PCDHGB5: variants seen among roughly 807,000 people sequenced by gnomAD.
The protein encoded by PCDHGB5 is protocadherin gamma-B5.
Under a neutral mutation model 62.9 loss-of-function variants are expected in PCDHGB5, and 48 were observed. The ratio of observed to expected loss-of-function variants is 0.76; its 90% confidence interval spans 0.61 to 0.97. PCDHGB5 has a LOEUF of 0.97. Ranked by LOEUF, PCDHGB5 falls within the 50% of genes least tolerant of loss-of-function variation. The pLI, the probability that PCDHGB5 is intolerant of heterozygous loss-of-function variation, is 0.00. For missense variants in PCDHGB5, 1,118 were observed against 1,198.6 expected, an observed-to-expected ratio of 0.93 and a Z score of 0.99; for synonymous variants, 474 against 511.2, an observed-to-expected ratio of 0.93 and a Z score of 0.98.
chr5:141,449,588 CAAA>C (rs768743917), intron 1 of PCDHGB5, among the ~76,000 whole-genome samples: 1 of 57,486 alleles, frequency 1.7e-5, no homozygotes, highest in Non-Finnish European at 3.7e-5. Context: ...GACTCTGTCT[CAAA>C]AAAAAAAAAA....
At chr5:141,453,964 C>T (rs2098778500) in intron 1 of PCDHGB5, among the ~76,000 whole-genome samples, 1 of 152,296 alleles carries the variant, frequency 6.6e-6, no homozygotes, top group Non-Finnish European at 1.5e-5. Context: ...GACAGCAAAG[C>T]ATGTAGTTGT....
At chr5:141,484,912 T>G (rs1594427765) in intron 1 of PCDHGB5, 1 of 437,066 alleles carries the variant, frequency 2.3e-6, no homozygotes, top group East Asian at 4.0e-5. Flanking sequence ...TGCGACGCAT[T>G]AACCCTGCTG....
chr5:141,413,793 C>G, intron 1 of PCDHGB5: 1 of 1,613,106 alleles, frequency 6.2e-7, no homozygotes, highest in South Asian at 1.1e-5. Context: ...CCCTAGATCG[C>G]GAGGAAGAGG....
intron 1 of PCDHGB5, among the ~76,000 whole-genome samples, chr5:141,452,356 C>G (rs1008914676): frequency 6.6e-6 from 1 of 152,148 alleles, no homozygotes; most frequent in African/African-American, 2.4e-5. Flanking sequence ...ATCCAAAAGC[C>G]TTGCTTCATT....
chr5:141,414,302 A>G (rs2095732200), intron 1 of PCDHGB5: 3 of 1,613,678 alleles, frequency 1.9e-6, no homozygotes, highest in Non-Finnish European at 2.5e-6. Flanking sequence ...TTAAATGTGC[A>G]TGATTTAGAC....
intron 1 of PCDHGB5, among the ~76,000 whole-genome samples, chr5:141,453,510 T>C (rs11958830): frequency 0.2 from 30,607 of 152,026 alleles, 3,435 homozygotes; most frequent in African/African-American, 0.31. Flanking sequence ...AAAATTGTCA[T>C]TCCTCCCCTA....
At chr5:141,428,120 C>A in intron 1 of PCDHGB5, 1 of 1,606,526 alleles carries the variant, frequency 6.2e-7, no homozygotes, top group Non-Finnish European at 8.5e-7. Flanking sequence ...CCATCGAGCC[C>A]GGGCTTTTCA....
At position 141,449,274 on chromosome 5, in the gene PCDHGB5, T is replaced by C. The variant is rs569352843; in HGVS notation, c.2398-45533T>C. 3.9e-5 allele frequency among the ~76,000 whole-genome samples: 6 copies of C among 152,260 alleles called. No individual in the cohort carries two copies. In the East Asian group the frequency reaches 1.2e-3, roughly 29 times the overall value. On this transcript the variant is annotated intron_variant, in intron 1 of 3. Transcript: ENST00000617380. ...GAATTGTACAAAGAACTGTATCTCC[T>C]TCACCCGGATGCACCGGGTGAATTA...
rs183531575 is a variant in PCDHGB5 at position 141,469,308 on chromosome 5, G to A, written c.2398-25499G>A. Among the ~76,000 whole-genome samples the A allele has an allele frequency of 2.5e-3, 379 of 152,184 alleles. 1 individual carries two copies. The highest frequency in any genetic ancestry group is 5.8e-3 in the South Asian group (28 of 4,814). On this transcript the variant is annotated intron_variant, in intron 1 of 3. Transcript: ENST00000617380. ...TAAAACAAAATAGACTGGGCACGAT[G>A]GCTCACGCCTGTAATCCCACCACTT...
At chr5:141,420,094 G>A in intron 1 of PCDHGB5, 7 of 1,614,058 alleles carry the variant, frequency 4.3e-6, no homozygotes, top group Non-Finnish European at 5.9e-6. Flanking sequence ...ACTACAGTGA[G>A]GGAACGTTGC....
At chr5:141,415,809 CTA>C in intron 1 of PCDHGB5, 1 of 1,346,328 alleles carries the variant, frequency 7.4e-7, no homozygotes, top group Non-Finnish European at 9.5e-7. Flanking sequence ...CAATCAAGGC[CTA>C]TATATCATAA....
Position 141,490,911 on chromosome 5 carries a change from G to C in PCDHGB5, c.2398-3896G>C. On this transcript the variant is annotated intron_variant, in intron 1 of 3. Coordinates refer to ENST00000617380, the MANE Select transcript of PCDHGB5 (RefSeq NM_018925.3). The surrounding 1 kb of genome is among the most constrained non-coding windows in gnomAD (Gnocchi z 5.4). ...CTCTGCATGTGTTTGTCCTAGACGA[G>C]AATGATAATGCCCCAGCTGTGCTGC... is the stretch of plus-strand genomic sequence containing the variant. The C allele has an allele frequency of 6.2e-7, 1 of 1,613,722 alleles. No homozygotes were observed. Among genetic ancestry groups the C allele is most frequent in the East Asian group, 2.2e-5 (1 of 44,870 alleles).
intron 1 of PCDHGB5, among the ~76,000 whole-genome samples, chr5:141,470,212 C>A (rs756256854): frequency 2.0e-5 from 3 of 152,116 alleles, no homozygotes; most frequent in Non-Finnish European, 4.4e-5. Context: ...AAGGCTAAAC[C>A]ATTCAGCTTC....
At chr5:141,504,634 AG>A (rs2099839600) in intron 2 of PCDHGB5, among the ~76,000 whole-genome samples, 1 of 115,756 alleles carries the variant, frequency 8.6e-6, no homozygotes, top group Non-Finnish European at 1.7e-5. Context: ...ACCTTGGAAA[AG>A]GTTTGATGAT....
chr5:141,445,224 G>A (rs1016307216), intron 1 of PCDHGB5, among the ~76,000 whole-genome samples: 6 of 152,194 alleles, frequency 3.9e-5, no homozygotes, highest in Admixed American at 2.0e-4. Context: ...GAGGTGCAAA[G>A]TGCTCTATTC....
chr5:141,439,150 G>A (rs971023726), intron 1 of PCDHGB5, among the ~76,000 whole-genome samples: 7 of 149,122 alleles, frequency 4.7e-5, no homozygotes, highest in South Asian at 2.1e-4. Flanking sequence ...CTGAGATCAC[G>A]CCACTGCACT....
Position 141,512,147 on chromosome 5 carries a change from GGCTGA to G in PCDHGB5, c.*978_*982del, listed in dbSNP as rs1406468661. The G allele has an allele frequency of 1.3e-5, 2 of 152,652 alleles. No homozygotes were observed. Among genetic ancestry groups the G allele is most frequent in the Admixed American group, 6.5e-5 (1 of 15,286 alleles). The allele number at this position is 152,652 out of a possible 1,614,324, so 9.5% of individuals were successfully genotyped here. A position where few individuals can be genotyped will look rare whatever the true frequency, so the allele number is the denominator to read the frequency against. On this transcript the variant is annotated 3_prime_UTR_variant, in exon 4 of 4. Coordinates refer to ENST00000617380, the MANE Select transcript of PCDHGB5 (RefSeq NM_018925.3). ...GGCTCAGCCCAGGCAGCCAGCTTTG[GGCTGA>G]GCTAACAGGACCAATGGATTAAACT... is the stretch of plus-strand genomic sequence containing the variant.
intron 1 of PCDHGB5, chr5:141,421,710 A>G (rs781498853): frequency 1.2e-6 from 2 of 1,613,940 alleles, no homozygotes; most frequent in South Asian, 2.2e-5. Flanking sequence ...CTAGGGATCC[A>G]GATGTGGGCG....
intron 2 of PCDHGB5, among the ~76,000 whole-genome samples, chr5:141,503,800 C>T (rs756250566): frequency 1.3e-5 from 2 of 151,994 alleles, no homozygotes; most frequent in South Asian, 2.1e-4. Flanking sequence ...TACTTAGGGA[C>T]GGGGAATCCC....
Sources: gnomAD v4.1 joint callset for allele counts (sites outside exome capture counted in the v4.1 genomes callset) on GRCh38, gnomAD v4.1.1 for gene constraint, Gnocchi (gnomAD v3.1) non-coding constraint, MANE v1.5 for transcripts, NCBI Gene and HGNC (gene_info 2026-07-23, HGNC 2026-07-21) for gene names.